RNF220: variants seen among roughly 807,000 people sequenced by gnomAD.
RNF220 encodes the protein E3 ubiquitin-protein ligase RNF220.
RNF220 carries 7 observed loss-of-function variants against 67.1 expected under a neutral mutation model. That is an observed-to-expected ratio of 0.10 (90% CI 0.06 to 0.20). The LOEUF (loss-of-function observed/expected upper bound fraction) is 0.20. Ranked by LOEUF, RNF220 falls within the 10% of genes least tolerant of loss-of-function variation. The pLI, the probability that RNF220 is intolerant of heterozygous loss-of-function variation, is 1.00. For synonymous variants in RNF220, 270 were observed against 283.2 expected, an observed-to-expected ratio of 0.95 and a Z score of 0.47; for missense variants, 565 against 740.3, an observed-to-expected ratio of 0.76 and a Z score of 2.75.
At chr1:44,549,978 A>T (rs1662492913) in intron 2 of RNF220, among the ~76,000 whole-genome samples, 1 of 152,194 alleles carries the variant, frequency 6.6e-6, no homozygotes, top group Non-Finnish European at 1.5e-5. Context: ...CAAGGACTCC[A>T]AGCCACCAGA....
At chr1:44,566,003 A>G (rs1215400886) in intron 2 of RNF220, among the ~76,000 whole-genome samples, 1 of 152,200 alleles carries the variant, frequency 6.6e-6, no homozygotes, top group Non-Finnish European at 1.5e-5. Context: ...CCGATCTATC[A>G]GAGGGGCACA....
At chr1:44,483,035 G>A (rs1387025298) in intron 2 of RNF220, among the ~76,000 whole-genome samples, 4 of 147,376 alleles carry the variant, frequency 2.7e-5, no homozygotes, top group Non-Finnish European at 5.9e-5. Flanking sequence ...GATTCAGGCA[G>A]TCCTCCTGCC....
intron 2 of RNF220, among the ~76,000 whole-genome samples, chr1:44,513,183 A>G (rs781791): frequency 0.97 from 147,966 of 152,230 alleles, 72,054 homozygotes; most frequent in East Asian, 1. Context: ...CTTTGATGAT[A>G]TCTTCAGATA....
At chr1:44,462,838 C>G (rs1653913419) in intron 2 of RNF220, among the ~76,000 whole-genome samples, 1 of 150,090 alleles carries the variant, frequency 6.7e-6, no homozygotes, top group Non-Finnish European at 1.5e-5. Flanking sequence ...ACCATCCTGG[C>G]TAACATGGTG....
chr1:44,597,374 G>C (rs1179786057), intron 2 of RNF220, among the ~76,000 whole-genome samples: 1 of 151,804 alleles, frequency 6.6e-6, no homozygotes, highest in African/African-American at 2.4e-5. Flanking sequence ...GGCAAGGAGG[G>C]GAGAATTTGA....
At chr1:44,432,588 C>T (rs939711390) in intron 2 of RNF220, among the ~76,000 whole-genome samples, 11 of 139,694 alleles carry the variant, frequency 7.9e-5, no homozygotes, top group African/African-American at 2.7e-4. Context: ...TGTTTAGAAG[C>T]AGGGTCTTGC....
chr1:44,434,126 A>G (rs1446246488), intron 2 of RNF220, among the ~76,000 whole-genome samples: 2 of 152,070 alleles, frequency 1.3e-5, no homozygotes, highest in Non-Finnish European at 1.5e-5. Flanking sequence ...AACATATTTG[A>G]ATTGGAATGC....
intron 2 of RNF220, among the ~76,000 whole-genome samples, chr1:44,511,918 T>C (rs77032277): frequency 1.3e-4 from 18 of 139,808 alleles, no homozygotes; most frequent in African/African-American, 4.8e-4. Flanking sequence ...TGTGTGTGCG[T>C]GTGTGTGTGT....
Position 44,412,150 on chromosome 1 carries a change from A to C in RNF220, c.53A>C (p.Asn18Thr), listed in dbSNP as rs1387973404. 1 of 1,613,746 alleles carries C rather than the reference A, an allele frequency of 6.2e-7. No individual in the cohort carries two copies. The highest frequency in any genetic ancestry group is 8.5e-7 in the Non-Finnish European group (1 of 1,179,930). Residue 18 changes from asparagine to threonine, a missense_variant, in exon 2 of 15, where the codon AAC becomes ACC. Coordinates refer to ENST00000361799, the MANE Select transcript of RNF220 (RefSeq NM_018150.4). This position sits in a 1 kb window ranked among gnomAD's most constrained non-coding sequence, Gnocchi z 5.3. ...FKMENSSYLP[N>T]PLASPALMVL... The stretch of plus-strand genomic sequence containing the variant: ...ATGGAGAACTCATCCTACCTTCCCA[A>C]CCCTCTGGCATCCCCAGCACTGATG...
At chr1:44,498,086 A>G (rs1283127583) in intron 2 of RNF220, among the ~76,000 whole-genome samples, 1 of 152,142 alleles carries the variant, frequency 6.6e-6, no homozygotes, top group African/African-American at 2.4e-5. Flanking sequence ...GCTTCCGGAG[A>G]CCCAGGCGTG....
chr1:44,491,887 C>T (rs1398256349), intron 2 of RNF220, among the ~76,000 whole-genome samples: 3 of 152,156 alleles, frequency 2.0e-5, no homozygotes, highest in African/African-American at 7.2e-5. Context: ...TGGGCTTGAA[C>T]TCCTGGTCTC....
intron 2 of RNF220, among the ~76,000 whole-genome samples, chr1:44,588,303 G>A (rs1665853983): frequency 6.6e-6 from 1 of 152,312 alleles, no homozygotes; most frequent in Admixed American, 6.5e-5. Context: ...TCCTGCTGGG[G>A]CTGCCAAGCG....
intron 2 of RNF220, among the ~76,000 whole-genome samples, chr1:44,481,686 G>A (rs1655826363): frequency 6.6e-6 from 1 of 152,038 alleles, no homozygotes; most frequent in Non-Finnish European, 1.5e-5. Flanking sequence ...AAATAAAGGG[G>A]GAAAAAAAGA....
intron 2 of RNF220, among the ~76,000 whole-genome samples, chr1:44,536,189 C>T (rs182683768): frequency 2.6e-5 from 4 of 152,296 alleles, no homozygotes; most frequent in Admixed American, 6.5e-5. Flanking sequence ...CTCCATACTC[C>T]TCCCAGAACA....
At chr1:44,451,888 G>A (rs1030394853) in intron 2 of RNF220, among the ~76,000 whole-genome samples, 2 of 152,160 alleles carry the variant, frequency 1.3e-5, no homozygotes, top group Non-Finnish European at 2.9e-5. Flanking sequence ...CAAAGTGCTG[G>A]GATTACAGGC....
chr1:44,507,724 G>C (rs1658565274), intron 2 of RNF220, among the ~76,000 whole-genome samples: 1 of 152,232 alleles, frequency 6.6e-6, no homozygotes, highest in African/African-American at 2.4e-5. Context: ...GTGGTGAGCA[G>C]TGAAGTGGCC....
intron 2 of RNF220, among the ~76,000 whole-genome samples, chr1:44,593,008 G>GA (rs34613774): frequency 6.6e-6 from 1 of 152,158 alleles, no homozygotes; most frequent in Non-Finnish European, 1.5e-5. Flanking sequence ...TGATGGGGGG[G>GA]ATGGGCCCAG....
At chr1:44,613,085 C>T (rs1369675432) in intron 2 of RNF220, among the ~76,000 whole-genome samples, 4 of 140,896 alleles carry the variant, frequency 2.8e-5, no homozygotes, top group South Asian at 2.3e-4. Flanking sequence ...AATAGGGCTC[C>T]TCAACCCCAC....
Position 44,509,829 on chromosome 1 carries a change from G to C in RNF220, c.625+97107G>C, listed in dbSNP as rs185348733. Among the ~76,000 whole-genome samples the C allele has an allele frequency of 5.1e-3, 667 of 131,558 alleles. 4 individuals carry two copies. Among genetic ancestry groups the C allele is most frequent in the African/African-American group, 0.018 (633 of 36,030 alleles). 86.3% of individuals were successfully genotyped at this position (131,558 alleles called of 152,430 possible). ...TTGAACCCAGGAGGCAGAGGCTGCA[G>C]TGAGCCAAGATTGTGCCACTGTACT... is the stretch of plus-strand genomic sequence containing the variant. On this transcript the variant is annotated intron_variant, in intron 2 of 14. Transcript: ENST00000361799.
Sources: allele counts gnomAD v4.1 joint callset (sites outside exome capture counted in the v4.1 genomes callset), GRCh38; gene constraint gnomAD v4.1.1; non-coding constraint Gnocchi (gnomAD v3.1); transcripts MANE v1.5; gene names NCBI Gene and HGNC (gene_info 2026-07-23, HGNC 2026-07-21).